The following NAA15 variants were observed in gnomAD, a reference collection of about 807,000 sequenced individuals.
NAA15 encodes the protein N-terminal acetyltransferase.
A neutral mutation model predicts 114.0 loss-of-function variants in NAA15; 34 were observed. That is an observed-to-expected ratio of 0.30 (90% CI 0.23 to 0.40). The LOEUF is 0.40. Ranked by LOEUF, NAA15 falls within the 10% of genes least tolerant of loss-of-function variation. The probability of loss-of-function intolerance (pLI) is 1.00; values close to 1 mark genes in which losing one functional copy is unlikely to be tolerated. For synonymous variants in NAA15, 340 were observed against 338.0 expected, an observed-to-expected ratio of 1.01 and a Z score of -0.06; for missense variants, 658 against 1,004.5, an observed-to-expected ratio of 0.66 and a Z score of 4.66.
At chr4:139,331,969 G>A (rs551423168) in intron 1 of NAA15, among the ~76,000 whole-genome samples, 3 of 152,006 alleles carry the variant, frequency 2.0e-5, no homozygotes, top group East Asian at 1.9e-4. Flanking sequence ...CTGTATTTCT[G>A]TCATGAGCTT....
At chr4:139,302,064 G>C in intron 1 of NAA15, 1 of 424,010 alleles carries the variant, frequency 2.4e-6, no homozygotes, top group Non-Finnish European at 4.2e-6. Flanking sequence ...CCCTGGTTCC[G>C]GACTAGGCCC....
At chr4:139,354,233 A>G (rs1747870159) in intron 10 of NAA15, 135 bp downstream of exon 10, 5 of 645,558 alleles carry the variant, frequency 7.7e-6, no homozygotes, top group Non-Finnish European at 1.4e-5. Flanking sequence ...TGAGAGGGAG[A>G]TCCATTAATT....
chr4:139,381,640 T>G (rs146720294), intron 17 of NAA15, among the ~76,000 whole-genome samples: 1 of 152,272 alleles, frequency 6.6e-6, no homozygotes, highest in Non-Finnish European at 1.5e-5. Context: ...ACTTACTCGG[T>G]TGTACTATAA....
chr4:139,367,724 G>T (rs946756330), intron 14 of NAA15, among the ~76,000 whole-genome samples: 6 of 152,206 alleles, frequency 3.9e-5, no homozygotes, highest in Non-Finnish European at 7.4e-5. Flanking sequence ...CATATTTTTT[G>T]ATCTTTGCCC....
chr4:139,302,074 C>T (rs767135499), intron 1 of NAA15: 11 of 409,708 alleles, frequency 2.7e-5, no homozygotes, highest in African/African-American at 1.9e-4. Flanking sequence ...GGACTAGGCC[C>T]CGACCTCCCG....
At chr4:139,374,400 C>A (rs1748526097) in intron 15 of NAA15, among the ~76,000 whole-genome samples, 1 of 152,092 alleles carries the variant, frequency 6.6e-6, no homozygotes, top group Non-Finnish European at 1.5e-5. Flanking sequence ...GAACAATGGA[C>A]CCCAACTGAG....
intron 1 of NAA15, among the ~76,000 whole-genome samples, chr4:139,325,982 G>A (rs1417146632): frequency 6.6e-6 from 1 of 152,208 alleles, no homozygotes; most frequent in Non-Finnish European, 1.5e-5. Context: ...CATAAGTATT[G>A]TAGAATAGTA....
At chr4:139,348,025 C>G (rs1245553805) in intron 6 of NAA15, among the ~76,000 whole-genome samples, 1 of 138,166 alleles carries the variant, frequency 7.2e-6, no homozygotes, top group African/African-American at 2.8e-5. Flanking sequence ...GGCGACAGAG[C>G]GAGACTCCGT....
rs3044447 is a variant in NAA15, at chr4:139,325,113, GC to G, written c.55-9060del. Among the ~76,000 whole-genome samples, 85 of 82,818 alleles carry G rather than the reference GC, an allele frequency of 1.0e-3. 1 individual carries two copies. Among genetic ancestry groups the G allele is most frequent in the African/African-American group, 1.5e-3 (25 of 17,224 alleles). 54.3% of individuals were successfully genotyped at this position (82,818 alleles called of 152,430 possible). A position where few individuals can be genotyped will look rare whatever the true frequency, so the allele number is the denominator to read the frequency against. ...AATGTAAACATATCTCATTCAAGGG[GC>G]GGGGGGTTTAGTTTTTAATTTTCCT... On this transcript the variant is annotated intron_variant, in intron 1 of 19. Coordinates refer to ENST00000296543, the MANE Select transcript of NAA15 (RefSeq NM_057175.5).
chr4:139,328,025 C>G (rs529396245), intron 1 of NAA15, among the ~76,000 whole-genome samples: 1 of 152,116 alleles, frequency 6.6e-6, no homozygotes, highest in East Asian at 1.9e-4. Context: ...AGAAAGGTCA[C>G]TGTAGTTCCA....
chr4:139,373,670 C>T (rs554966120), intron 15 of NAA15, among the ~76,000 whole-genome samples: 9 of 151,380 alleles, frequency 5.9e-5, no homozygotes, highest in Admixed American at 1.3e-4. Context: ...TCCTCCTTGC[C>T]TTCACTCAGC....
chr4:139,378,663 C>T (rs1402201217), intron 16 of NAA15, 93 bp from the exon 17 acceptor site: 1 of 676,500 alleles, frequency 1.5e-6, no homozygotes, highest in East Asian at 3.1e-5. Context: ...GTGATCGACT[C>T]TAAATTTACT....
chr4:139,361,113 T>C (rs1384411551), intron 13 of NAA15, among the ~76,000 whole-genome samples: 1 of 152,156 alleles, frequency 6.6e-6, no homozygotes, highest in African/African-American at 2.4e-5. Context: ...CCATGACTAG[T>C]GGTTGGTTTT....
intron 1 of NAA15, among the ~76,000 whole-genome samples, chr4:139,302,910 C>T (rs1156926170): frequency 6.6e-6 from 1 of 152,114 alleles, no homozygotes; most frequent in Non-Finnish European, 1.5e-5. Context: ...GCAAACGTTT[C>T]CTTATGATAG....
At chr4:139,327,189 G>T (rs1441918902) in intron 1 of NAA15, among the ~76,000 whole-genome samples, 1 of 152,002 alleles carries the variant, frequency 6.6e-6, no homozygotes, top group Non-Finnish European at 1.5e-5. Flanking sequence ...CTCCTACCTT[G>T]GCCTTCCAAA....
intron 1 of NAA15, among the ~76,000 whole-genome samples, chr4:139,323,705 T>A (rs551445594): frequency 3.3e-5 from 5 of 152,334 alleles, no homozygotes; most frequent in Non-Finnish European, 7.3e-5. Context: ...TCTTGGGATT[T>A]ACCCTGCTTC....
rs1034248121 is a variant in NAA15 at position 139,319,334 on chromosome 4, C to T, written c.55-14840C>T. Among the ~76,000 whole-genome samples, 5 of 152,136 alleles carry T rather than the reference C, an allele frequency of 3.3e-5. No individual in the cohort carries two copies. In the East Asian group the frequency reaches 5.9e-4, roughly 18 times the overall value. On this transcript the variant is annotated intron_variant, in intron 1 of 19. Coordinates refer to ENST00000296543, the MANE Select transcript of NAA15 (RefSeq NM_057175.5). ...CGTTGGCCAGGCTGGTCTCGAACTC[C>T]TGACCTTGTGATCCACCCACCTTGG...
At position 139,301,722 on chromosome 4, in the gene NAA15, G is replaced by T; in HGVS notation, c.-56G>T. 1 of 1,529,108 alleles carries T rather than the reference G, an allele frequency of 6.5e-7. No homozygotes were observed. Among genetic ancestry groups the T allele is most frequent in the South Asian group, 1.2e-5 (1 of 82,966 alleles). The allele number at this position is 1,529,108 out of a possible 1,614,324, so 94.7% of individuals were successfully genotyped here. ...TACGGAACGGCAGCGGCGGCGGTCG[G>T]ACAAACTGACTGACCGAGCCGGGTG... is the stretch of plus-strand genomic sequence containing the variant. On this transcript the variant is annotated 5_prime_UTR_variant, in exon 1 of 20. Transcript: ENST00000296543.
intron 17 of NAA15, 31 bp downstream of exon 17, chr4:139,378,885 T>G: frequency 7.5e-7 from 1 of 1,329,986 alleles, no homozygotes; most frequent in Non-Finnish European, 1.0e-6. Flanking sequence ...ACTTAAGTAT[T>G]TGATACAGTG....
Sources: gnomAD v4.1 joint callset for allele counts (sites outside exome capture counted in the v4.1 genomes callset) on GRCh38, gnomAD v4.1.1 for gene constraint, MANE v1.5 for transcripts, NCBI Gene and HGNC (gene_info 2026-07-23, HGNC 2026-07-21) for gene names.